Variants in CSMD1 observed in about 807,000 individuals in gnomAD.
CSMD1 encodes the protein CUB and sushi domain-containing protein 1.
In CSMD1, 213 loss-of-function variants were observed where a neutral mutation model predicts 417.5. The observed-to-expected ratio is 0.51, with a 90% CI of 0.46 to 0.57. The LOEUF is 0.57. Ranked by LOEUF, CSMD1 falls within the 20% of genes least tolerant of loss-of-function variation. The pLI, the probability that CSMD1 is intolerant of heterozygous loss-of-function variation, is 0.00. For synonymous variants in CSMD1, 2,862 were observed against 1,736.8 expected (o/e 1.65, Z -16.11); for missense variants, 6,923 against 4,529.7 (o/e 1.53, Z -15.17).
intron 30 of CSMD1, among the ~76,000 whole-genome samples, chr8:3,208,700 C>T (rs1797438983): frequency 6.6e-6 from 1 of 152,032 alleles, no homozygotes; most frequent in Admixed American, 6.6e-5. Context: ...GAAGGCAGAC[C>T]CACCCTTAAT....
chr8:4,551,857 T>A (rs1414223993), intron 2 of CSMD1, among the ~76,000 whole-genome samples: 4 of 150,826 alleles, frequency 2.7e-5, no homozygotes, highest in Non-Finnish European at 5.9e-5. Context: ...TTTTTGTATT[T>A]TTTTTTTTTT....
chr8:3,508,937 A>G (rs1443926559), intron 10 of CSMD1, among the ~76,000 whole-genome samples: 1 of 152,194 alleles, frequency 6.6e-6, no homozygotes, highest in African/African-American at 2.4e-5. Context: ...AAGTCTGAGA[A>G]CTTAAAGTCC....
chr8:3,590,145 CA>C (rs1424667238), intron 8 of CSMD1, among the ~76,000 whole-genome samples: 1 of 151,870 alleles, frequency 6.6e-6, no homozygotes, highest in Non-Finnish European at 1.5e-5. Context: ...AAGGACAATA[CA>C]AAATTGTATG....
At chr8:4,158,412 G>T (rs4875295) in intron 3 of CSMD1, among the ~76,000 whole-genome samples, 4 of 151,572 alleles carry the variant, frequency 2.6e-5, no homozygotes, top group African/African-American at 9.7e-5. Flanking sequence ...TATTGCAAAA[G>T]GATATTGCAA....
intron 5 of CSMD1, among the ~76,000 whole-genome samples, chr8:3,963,852 G>A (rs1272488182): frequency 6.6e-6 from 1 of 152,108 alleles, no homozygotes; most frequent in Non-Finnish European, 1.5e-5. Context: ...TAAAACCGCA[G>A]TTTAAGAAAT....
intron 5 of CSMD1, among the ~76,000 whole-genome samples, chr8:3,874,531 A>G (rs1805687967): frequency 6.6e-6 from 1 of 152,224 alleles, no homozygotes; most frequent in South Asian, 2.1e-4. Flanking sequence ...CGTTCATTGA[A>G]GACATACAAG....
intron 2 of CSMD1, among the ~76,000 whole-genome samples, chr8:4,427,035 T>C (rs1379946294): frequency 6.6e-6 from 1 of 152,026 alleles, no homozygotes. Context: ...CCACGAGAAC[T>C]GGTGTAGACG....
chr8:4,357,651 A>T (rs1038413844), intron 3 of CSMD1, among the ~76,000 whole-genome samples: 1 of 152,192 alleles, frequency 6.6e-6, no homozygotes, highest in African/African-American at 2.4e-5. Context: ...CAGGTTTCCT[A>T]TAACTTTAAA....
intron 3 of CSMD1, among the ~76,000 whole-genome samples, chr8:4,079,999 T>G (rs1458872742): frequency 6.7e-6 from 1 of 149,502 alleles, no homozygotes; most frequent in African/African-American, 2.5e-5. Context: ...GTTCGAATAT[T>G]GGTGTTTTTT....
intron 26 of CSMD1, among the ~76,000 whole-genome samples, chr8:3,262,960 A>T (rs1185485095): frequency 1.3e-5 from 2 of 152,232 alleles, no homozygotes; most frequent in Admixed American, 6.5e-5. Flanking sequence ...TAATTAAAAG[A>T]CGTAATATTC....
intron 41 of CSMD1, among the ~76,000 whole-genome samples, chr8:3,136,147 T>G (rs1262935098): frequency 6.6e-6 from 1 of 151,942 alleles, no homozygotes. Flanking sequence ...ATCTATGGAG[T>G]CCGGGTTAGT....
At chr8:4,060,274 G>C (rs1798903663) in intron 3 of CSMD1, among the ~76,000 whole-genome samples, 1 of 152,110 alleles carries the variant, frequency 6.6e-6, no homozygotes, top group Admixed American at 6.5e-5. Flanking sequence ...CAATAAATTA[G>C]GTATTGATGG....
intron 68 of CSMD1, among the ~76,000 whole-genome samples, chr8:2,945,035 C>G (rs1362503184): frequency 6.6e-6 from 1 of 151,638 alleles, no homozygotes; most frequent in Non-Finnish European, 1.5e-5. Context: ...CCTGCAGCTC[C>G]TAGTTAATTT....
chr8:3,500,228 T>C (rs995461529), intron 10 of CSMD1, among the ~76,000 whole-genome samples: 4 of 152,200 alleles, frequency 2.6e-5, no homozygotes, highest in Admixed American at 6.5e-5. Flanking sequence ...GACACTGCAC[T>C]TGACATGTGC....
chr8:3,425,656 G>T lies in CSMD1; in HGVS notation c.1562-16051C>A, dbSNP rs140908700. On this transcript the variant is annotated intron_variant, in intron 12 of 69. Transcript: ENST00000635120. ...AAATGCCCTGTCCCAGCAGCAGGGAGCCCAGAGAGTTTTCATTACTCTTCT... is the reference window on the plus strand; with the variant it reads ...AAATGCCCTGTCCCAGCAGCAGGGATCCCAGAGAGTTTTCATTACTCTTCT... 7.3e-5 allele frequency among the ~76,000 whole-genome samples: 11 copies of T among 151,714 alleles called. No individual in the cohort carries two copies. In the East Asian group the frequency reaches 2.1e-3, roughly 29 times the overall value.
chr8:4,422,239 G>C (rs1797288535), intron 2 of CSMD1, among the ~76,000 whole-genome samples: 1 of 152,104 alleles, frequency 6.6e-6, no homozygotes, highest in Non-Finnish European at 1.5e-5. Flanking sequence ...ATTCTACACA[G>C]TCTCTTCCAG....
At position 4,687,369 on chromosome 8, in the gene CSMD1, C is replaced by A. The variant is rs76631017; in HGVS notation, c.86-49811G>T. 2.3e-3 allele frequency among the ~76,000 whole-genome samples: 343 copies of A among 152,184 alleles called. 1 individual carries two copies. The highest frequency in any genetic ancestry group is 8.0e-3 in the African/African-American group (331 of 41,512). ...AACAGGACTAAAGTACATTAAGTAACGTGATATAGCTTACAAATGTCATAA... is the reference window on the plus strand; with the variant it reads ...AACAGGACTAAAGTACATTAAGTAAAGTGATATAGCTTACAAATGTCATAA... On this transcript the variant is annotated intron_variant, in intron 1 of 69. Coordinates refer to ENST00000635120, the MANE Select transcript of CSMD1 (RefSeq NM_033225.6).
chr8:3,029,105 A>G (rs1045469413), intron 51 of CSMD1, among the ~76,000 whole-genome samples: 4 of 152,110 alleles, frequency 2.6e-5, no homozygotes, highest in African/African-American at 9.7e-5. Context: ...CAAGGAAAAG[A>G]CAACATCAAA....
intron 1 of CSMD1, among the ~76,000 whole-genome samples, chr8:4,761,273 T>C (rs577708507): frequency 1.1e-3 from 160 of 152,174 alleles, no homozygotes; most frequent in Non-Finnish European, 1.3e-3. Flanking sequence ...CAGGAAAGCA[T>C]GGTCAGTGTA....
Sources: allele counts gnomAD v4.1 joint callset (sites outside exome capture counted in the v4.1 genomes callset), GRCh38; gene constraint gnomAD v4.1.1; transcripts MANE v1.5; gene names NCBI Gene and HGNC (gene_info 2026-07-23, HGNC 2026-07-21).